GRIN2A: variants seen among roughly 807,000 people sequenced by gnomAD.
GRIN2A encodes glutamate receptor ionotropic, NMDA 2A.
A neutral mutation model predicts 113.4 loss-of-function variants in GRIN2A; 22 were observed. The ratio of observed to expected loss-of-function variants is 0.19; its 90% CI spans 0.14 to 0.28. The LOEUF (loss-of-function observed/expected upper bound fraction) is 0.28, where lower values mean the gene tolerates loss of function less well. Among genes scored for constraint, GRIN2A ranks in the 10% least tolerant of loss-of-function variants. The pLI, the probability that GRIN2A is intolerant of heterozygous loss-of-function variation, is 1.00. For missense variants in GRIN2A, 1,502 were observed against 1,887.0 expected (o/e 0.80, Z 3.78); for synonymous variants, 827 against 738.4 (o/e 1.12, Z -1.94).
intron 2 of GRIN2A, among the ~76,000 whole-genome samples, chr16:10,009,143 G>T (rs141841926): frequency 6.2e-4 from 94 of 152,270 alleles, no homozygotes; most frequent in African/African-American, 2.2e-3. Flanking sequence ...TAAAGAAGGT[G>T]ATTTTGAAAG....
chr16:10,010,925 A>G (rs2141867541), intron 2 of GRIN2A, among the ~76,000 whole-genome samples: 1 of 152,290 alleles, frequency 6.6e-6, no homozygotes, highest in Admixed American at 6.5e-5. Flanking sequence ...CCTTCACCTG[A>G]AGTTGTGGAA....
intron 2 of GRIN2A, among the ~76,000 whole-genome samples, chr16:10,009,196 C>T (rs1291878445): frequency 1.3e-5 from 2 of 152,226 alleles, no homozygotes; most frequent in Non-Finnish European, 2.9e-5. Flanking sequence ...GTACAAGAAA[C>T]AGCAATTCCT....
chr16:9,821,483 C>A (rs1240762113), intron 10 of GRIN2A, among the ~76,000 whole-genome samples: 1 of 152,062 alleles, frequency 6.6e-6, no homozygotes, highest in Admixed American at 6.5e-5. Context: ...TCAGCAAGAC[C>A]ACAGAACAAT....
intron 4 of GRIN2A, among the ~76,000 whole-genome samples, chr16:9,853,524 C>T (rs1198990980): frequency 1.3e-5 from 2 of 152,164 alleles, no homozygotes; most frequent in African/African-American, 4.8e-5. Flanking sequence ...TTGATTTGGA[C>T]TTCCCAGTCT....
intron 2 of GRIN2A, among the ~76,000 whole-genome samples, chr16:10,124,608 G>A (rs181317861): frequency 5.3e-5 from 8 of 152,294 alleles, no homozygotes; most frequent in Non-Finnish European, 1.0e-4. Context: ...GGTGGTCCAG[G>A]TGAGACGGAG....
At chr16:9,876,766 G>GA (rs2043375958) in intron 4 of GRIN2A, among the ~76,000 whole-genome samples, 1 of 152,202 alleles carries the variant, frequency 6.6e-6, no homozygotes, top group South Asian at 2.1e-4. Context: ...ATGGCTGGAT[G>GA]AATTACGGTT....
chr16:9,845,926 G>T (rs905906176), intron 5 of GRIN2A, among the ~76,000 whole-genome samples: 1 of 152,154 alleles, frequency 6.6e-6, no homozygotes, highest in African/African-American at 2.4e-5. Flanking sequence ...CTAGTCTTTT[G>T]CCCTCCCTGT....
chr16:9,978,360 T>C (rs2045817840), intron 2 of GRIN2A, among the ~76,000 whole-genome samples: 1 of 152,204 alleles, frequency 6.6e-6, no homozygotes, highest in South Asian at 2.1e-4. Flanking sequence ...ACCCTCAGTT[T>C]GCTCATTTCG....
chr16:9,820,561 G>A (rs1476078716), intron 10 of GRIN2A, among the ~76,000 whole-genome samples: 2 of 152,212 alleles, frequency 1.3e-5, no homozygotes, highest in African/African-American at 4.8e-5. Context: ...ATCCATGTGT[G>A]CTGCATTCCA....
In GRIN2A at chr16:9,798,433, C is replaced by T. The variant is rs1439688451; in HGVS notation, c.2200G>A (p.Val734Ile). Residue 734 changes from valine to isoleucine, a missense_variant, in exon 11 of 13, where the codon GTC (valine) becomes ATC (isoleucine). By Grantham distance (29) the Val-to-Ile change is conservative. Around this residue, in one of 7 missense-constraint regions of GRIN2A, gnomAD observed 101 missense variants for 240.4 expected, o/e 0.42. Coordinates refer to ENST00000330684, the MANE Select transcript of GRIN2A (RefSeq NM_001134407.3). ...KLDAFIYDAA[V>I]LNYKAGRDEG... The stretch of plus-strand genomic sequence containing the variant: ...TCCCTCCCAGCCTTGTAATTCAAGA[C>T]TGCGGCATCGTAGATGAAAGCGTCC... The T allele has an allele frequency of 1.2e-6, 2 of 1,614,112 alleles. No homozygotes were observed. Among genetic ancestry groups the T allele is most frequent in the Non-Finnish European group, 1.7e-6 (2 of 1,179,972 alleles).
At chr16:9,891,222 A>T in intron 3 of GRIN2A, 122 bp from the exon 4 acceptor site, 2 of 703,428 alleles carry the variant, frequency 2.8e-6, no homozygotes, top group Non-Finnish European at 5.2e-6. Flanking sequence ...TATATTCATC[A>T]CAAGAAGCCT....
chr16:9,872,536 A>G (rs979989548), intron 4 of GRIN2A, among the ~76,000 whole-genome samples: 4 of 152,224 alleles, frequency 2.6e-5, no homozygotes, highest in African/African-American at 9.6e-5. Flanking sequence ...ATTTTCAGTG[A>G]GATGACAATG....
At chr16:10,167,406 G>A (rs558530298) in intron 2 of GRIN2A, among the ~76,000 whole-genome samples, 11 of 152,174 alleles carry the variant, frequency 7.2e-5, no homozygotes, top group Admixed American at 2.0e-4. Context: ...GTTTATTTTT[G>A]TTTTGGCAAA....
Position 10,009,817 on chromosome 16 carries a change from T to C in GRIN2A, c.415-71266A>G, listed in dbSNP as rs867011012. The stretch of plus-strand genomic sequence containing the variant: ...AATGAAAACTAGCTCTGTTCCTGCA[T>C]AGAACAGAAGAGTCCAGGCAGCTAA... On this transcript the variant is annotated intron_variant, in intron 2 of 12. Coordinates refer to ENST00000330684, the MANE Select transcript of GRIN2A (RefSeq NM_001134407.3). Among the ~76,000 whole-genome samples the C allele has an allele frequency of 3.3e-5, 5 of 151,550 alleles. No individual in the cohort carries two copies. In the South Asian group the frequency reaches 8.3e-4, roughly 25 times the overall value.
intron 2 of GRIN2A, among the ~76,000 whole-genome samples, chr16:10,167,707 T>A (rs921213374): frequency 7.2e-5 from 11 of 152,226 alleles, no homozygotes; most frequent in Admixed American, 4.6e-4. Flanking sequence ...TTTTTCGCTC[T>A]GTACATCAAC....
At chr16:10,132,869 G>A (rs1057392676) in intron 2 of GRIN2A, among the ~76,000 whole-genome samples, 3 of 152,194 alleles carry the variant, frequency 2.0e-5, no homozygotes, top group Non-Finnish European at 4.4e-5. Context: ...AGTCCTGGAG[G>A]TCAGAAACCT....
In GRIN2A at chr16:9,758,977, T is replaced by C; in HGVS notation, c.*4172A>G. 4.5e-6 allele frequency: 1 copy of C among 222,744 alleles called. No homozygotes were observed. The highest frequency in any genetic ancestry group is 9.0e-6 in the Non-Finnish European group (1 of 111,470). 13.8% of individuals were successfully genotyped at this position (222,744 alleles called of 1,614,324 possible). Reference sequence around the variant, plus strand: ...AGCTTCCACCTACTCAAACTTCTTTTTCTTTGAGTCCAATCATGTCTACTA... The same window carrying C: ...AGCTTCCACCTACTCAAACTTCTTTCTCTTTGAGTCCAATCATGTCTACTA... On this transcript the variant is annotated 3_prime_UTR_variant, in exon 13 of 13. Transcript: ENST00000330684.
At chr16:10,093,322 G>C (rs1449232791) in intron 2 of GRIN2A, among the ~76,000 whole-genome samples, 1 of 152,176 alleles carries the variant, frequency 6.6e-6, no homozygotes, top group Non-Finnish European at 1.5e-5. Flanking sequence ...AGCAGCCTCT[G>C]TCAGAAGATC....
chr16:9,841,160 A>G, intron 5 of GRIN2A, 56 bp from the exon 6 acceptor site: 2 of 1,400,242 alleles, frequency 1.4e-6, no homozygotes, highest in South Asian at 2.3e-5. Context: ...TTTGTTCACA[A>G]TCATTAGCTG....
Sources: allele counts gnomAD v4.1 joint callset (sites outside exome capture counted in the v4.1 genomes callset), GRCh38; gene constraint gnomAD v4.1.1; regional missense constraint gnomAD v4.1.1; transcripts MANE v1.5; gene names NCBI Gene and HGNC (gene_info 2026-07-23, HGNC 2026-07-21).